The following CADM2 variants were observed in gnomAD, a reference collection of about 807,000 sequenced individuals.
The protein encoded by CADM2 is cell adhesion molecule 2.
Under a neutral mutation model 49.8 loss-of-function variants are expected in CADM2, and 12 were observed. That is an observed-to-expected ratio of 0.24 (90% CI 0.15 to 0.39). The LOEUF (loss-of-function observed/expected upper bound fraction) is 0.39, where lower values mean the gene tolerates loss of function less well. Ranked by LOEUF, CADM2 falls within the 10% of genes least tolerant of loss-of-function variation. The pLI is 1.00. For synonymous variants in CADM2, 214 were observed against 175.4 expected (o/e 1.22, Z -1.74); for missense variants, 378 against 492.3 (o/e 0.77, Z 2.20).
chr3:85,912,236 T>A (rs1159027573), intron 5 of CADM2, 137 bp from the exon 6 acceptor site: 3 of 619,886 alleles, frequency 4.8e-6, no homozygotes, highest in East Asian at 5.9e-5. Context: ...TTGAAATAGA[T>A]TAAATGTTAA....
intron 1 of CADM2, among the ~76,000 whole-genome samples, chr3:85,273,043 AT>A: frequency 6.6e-6 from 1 of 151,272 alleles, no homozygotes; most frequent in African/African-American, 2.4e-5. Context: ...TAAGGCTGTG[AT>A]TTTGGATGAA....
Position 85,943,654 on chromosome 3 carries a change from C to A in CADM2, c.791+7797C>A, listed in dbSNP as rs532025817. ...CGCTACCTGACTTCAAACTATACTA[C>A]AAGGCTACAGTACCCAAAACAGCAT... On this transcript the variant is annotated intron_variant, in intron 7 of 9. Coordinates refer to ENST00000383699, the MANE Select transcript of CADM2 (RefSeq NM_001167675.2). 1.4e-3 allele frequency among the ~76,000 whole-genome samples: 208 copies of A among 152,022 alleles called. 7 individuals are homozygous for A. The South Asian group carries it at 0.04, about 29-fold the overall frequency.
At chr3:85,343,668 A>T (rs1490944777) in intron 1 of CADM2, among the ~76,000 whole-genome samples, 5 of 152,194 alleles carry the variant, frequency 3.3e-5, no homozygotes, top group Non-Finnish European at 1.5e-5. Flanking sequence ...TGTAAGAAAC[A>T]CAAGCCAATG....
chr3:85,134,005 C>T (rs1475278266), intron 1 of CADM2, among the ~76,000 whole-genome samples: 5 of 152,202 alleles, frequency 3.3e-5, no homozygotes, highest in African/African-American at 1.2e-4. Context: ...AGCCCTGCCC[C>T]GCGGGAAGGC....
At chr3:85,217,129 A>G (rs1489945028) in intron 1 of CADM2, among the ~76,000 whole-genome samples, 2 of 151,990 alleles carry the variant, frequency 1.3e-5, no homozygotes, top group Admixed American at 1.3e-4. Flanking sequence ...TTAAGAAAAT[A>G]TTAAACAAAG....
At chr3:85,742,496 G>C (rs1371566557) in intron 2 of CADM2, among the ~76,000 whole-genome samples, 1 of 152,022 alleles carries the variant, frequency 6.6e-6, no homozygotes, top group Admixed American at 6.6e-5. Context: ...AGTTAGATTG[G>C]TATTTTAAAA....
At chr3:85,867,766 G>A (rs2075778199) in intron 3 of CADM2, among the ~76,000 whole-genome samples, 1 of 151,990 alleles carries the variant, frequency 6.6e-6, no homozygotes, top group African/African-American at 2.4e-5. Context: ...CAGAAAATTG[G>A]TATCTGATCT....
chr3:85,735,920 T>G (rs2068114207), intron 2 of CADM2, among the ~76,000 whole-genome samples: 1 of 152,132 alleles, frequency 6.6e-6, no homozygotes, highest in African/African-American at 2.4e-5. Context: ...GGTTAATAAA[T>G]GTGAAATTTA....
At chr3:85,648,514 G>A (rs548029693) in intron 1 of CADM2, among the ~76,000 whole-genome samples, 2 of 151,816 alleles carry the variant, frequency 1.3e-5, no homozygotes, top group Non-Finnish European at 2.9e-5. Flanking sequence ...CTGAAATAAT[G>A]GTTTAAAACT....
chr3:85,716,075 T>C (rs972672038), intron 1 of CADM2, among the ~76,000 whole-genome samples: 4 of 152,160 alleles, frequency 2.6e-5, no homozygotes, highest in Non-Finnish European at 4.4e-5. Context: ...CTTGAGGAAT[T>C]GCCACACTGT....
At chr3:85,932,001 T>C (rs1275925469) in intron 6 of CADM2, among the ~76,000 whole-genome samples, 1 of 151,624 alleles carries the variant, frequency 6.6e-6, no homozygotes, top group Non-Finnish European at 1.5e-5. Context: ...GTGATCAGAT[T>C]TATGTTTTGA....
intron 1 of CADM2, among the ~76,000 whole-genome samples, chr3:85,078,473 A>T (rs1291175571): frequency 6.6e-6 from 1 of 151,920 alleles, no homozygotes; most frequent in African/African-American, 2.4e-5. Context: ...ATATTTGTAT[A>T]TGGCTATATA....
intron 1 of CADM2, among the ~76,000 whole-genome samples, chr3:85,606,372 T>A (rs1400694277): frequency 2.6e-5 from 4 of 152,122 alleles, no homozygotes; most frequent in African/African-American, 9.7e-5. Flanking sequence ...CCCAAACAAC[T>A]GGAATCTAAT....
At chr3:85,816,263 A>G (rs1156417975) in intron 3 of CADM2, among the ~76,000 whole-genome samples, 2 of 150,920 alleles carry the variant, frequency 1.3e-5, no homozygotes, top group African/African-American at 4.9e-5. Context: ...ACTTAGCTCT[A>G]GAGCACCAAC....
chr3:85,987,027 A>G (rs1728202020), intron 8 of CADM2, among the ~76,000 whole-genome samples: 2 of 152,122 alleles, frequency 1.3e-5, no homozygotes, highest in Admixed American at 6.6e-5. Flanking sequence ...CAACATATAT[A>G]ACATATCATT....
intron 1 of CADM2, among the ~76,000 whole-genome samples, chr3:85,654,022 C>T (rs2107590284): frequency 6.6e-6 from 1 of 152,304 alleles, no homozygotes; most frequent in South Asian, 2.1e-4. Context: ...ATCTGAAAGC[C>T]ACTGATGGCC....
At chr3:85,643,751 T>G (rs1300326334) in intron 1 of CADM2, among the ~76,000 whole-genome samples, 1 of 152,160 alleles carries the variant, frequency 6.6e-6, no homozygotes, top group Non-Finnish European at 1.5e-5. Context: ...AAGGTTTCTG[T>G]CATTTGTCAA....
intron 1 of CADM2, among the ~76,000 whole-genome samples, chr3:85,547,921 GC>G (rs1389360108): frequency 6.6e-6 from 1 of 152,060 alleles, no homozygotes; most frequent in Admixed American, 6.6e-5. Context: ...ACTACCCCAT[GC>G]CATTCAGTGT....
chr3:85,141,781 C>T (rs569729696), intron 1 of CADM2, among the ~76,000 whole-genome samples: 11 of 152,258 alleles, frequency 7.2e-5, no homozygotes, highest in African/African-American at 1.7e-4. Flanking sequence ...CAATTTAGCA[C>T]GTTTTCACAT....
Sources: allele counts gnomAD v4.1 joint callset (sites outside exome capture counted in the v4.1 genomes callset), GRCh38; gene constraint gnomAD v4.1.1; transcripts MANE v1.5; gene names NCBI Gene and HGNC (gene_info 2026-07-23, HGNC 2026-07-21).